LURAP1L: variants seen among roughly 807,000 people sequenced by gnomAD.
The protein encoded by LURAP1L is leucine rich adaptor protein 1-like.
Under a neutral mutation model 13.8 loss-of-function variants are expected in LURAP1L, and 12 were observed. The observed-to-expected ratio is 0.87, with a 90% CI of 0.56 to 1.41. The LOEUF (loss-of-function observed/expected upper bound fraction) is 1.41. LURAP1L is among the 40% of genes most tolerant of loss of function. The pLI is 0.00. For synonymous variants in LURAP1L, 139 were observed against 119.2 expected (o/e 1.17, Z -1.08); for missense variants, 375 against 292.9 (o/e 1.28, Z -2.04).
At chr9:12,789,782 T>C (rs1160787066) in intron 1 of LURAP1L, among the ~76,000 whole-genome samples, 1 of 152,130 alleles carries the variant, frequency 6.6e-6, no homozygotes, top group Non-Finnish European at 1.5e-5. Context: ...CTCAGATAGA[T>C]GTTCATATAG....
rs1422211601 is a variant in LURAP1L, at chr9:12,775,533, G to C, written c.-183G>C. The C allele has an allele frequency of 3.3e-6, 3 of 912,032 alleles. No homozygotes were observed. The highest frequency in any genetic ancestry group is 4.6e-6 in the Non-Finnish European group (3 of 650,722). The allele number at this position is 912,032 out of a possible 1,614,324, so 56.5% of individuals were successfully genotyped here. A position where few individuals can be genotyped will look rare whatever the true frequency, so the allele number is the denominator to read the frequency against. On this transcript the variant is annotated 5_prime_UTR_variant, in exon 1 of 2. Coordinates refer to ENST00000319264, the MANE Select transcript of LURAP1L (RefSeq NM_203403.2). ...GGGAACTGCAGCTGCGACCCCCCGC[G>C]TCCTGTGCGGATTTCAGGGCTGATA...
At chr9:12,807,410 C>G (rs1166854276) in intron 1 of LURAP1L, among the ~76,000 whole-genome samples, 1 of 152,130 alleles carries the variant, frequency 6.6e-6, no homozygotes, top group African/African-American at 2.4e-5. Context: ...AAGACCCTTT[C>G]CAGGCAACAC....
At chr9:12,811,224 A>T (rs1819731720) in intron 1 of LURAP1L, among the ~76,000 whole-genome samples, 1 of 152,204 alleles carries the variant, frequency 6.6e-6, no homozygotes, top group Non-Finnish European at 1.5e-5. Flanking sequence ...CAATATTGAA[A>T]ATTTAGTAGT....
chr9:12,775,863 G>GGCGGCGGCT lies in LURAP1L; in HGVS notation c.156_157insTGCGGCGGC (p.Gly52_Gly53insCysGlyGly), dbSNP rs752956210. The GGCGGCGGCT allele has an allele frequency of 3.5e-6, 5 of 1,418,676 alleles. No homozygotes were observed. The highest frequency in any genetic ancestry group is 4.6e-6 in the Non-Finnish European group (5 of 1,087,806). The allele number at this position is 1,418,676 out of a possible 1,614,324, so 87.9% of individuals were successfully genotyped here. On this transcript the variant is annotated inframe_insertion, in exon 1 of 2. Coordinates refer to ENST00000319264, the MANE Select transcript of LURAP1L (RefSeq NM_203403.2). ...CCCCTGCGGGGGGAGCGGTGGTGGT[G>GGCGGCGGCT]GCGGCGGCGGCGGCGGCTGCAGTAG...
rs1440082054 is a variant in LURAP1L, at chr9:12,815,340, T to C, written c.313-6046T>C. ...TGCTTTTAAACAGCTCTTCAGTTTA[T>C]ATAGACTTTTAAAAATATATTCTAA... is the stretch of plus-strand genomic sequence containing the variant. On this transcript the variant is annotated intron_variant, in intron 1 of 1. Coordinates refer to ENST00000319264, the MANE Select transcript of LURAP1L (RefSeq NM_203403.2). 2.0e-5 allele frequency among the ~76,000 whole-genome samples: 3 copies of C among 152,302 alleles called. No homozygotes were observed. In the East Asian group the frequency reaches 5.8e-4, roughly 29 times the overall value.
At chr9:12,778,020 GAC>G (rs950187099) in intron 1 of LURAP1L, among the ~76,000 whole-genome samples, 85 of 152,172 alleles carry the variant, frequency 5.6e-4, no homozygotes, top group African/African-American at 2.0e-3. Flanking sequence ...ACTTTTTTGA[GAC>G]ACAATTTCTG....
At chr9:12,776,957 CT>C (rs1819194665) in intron 1 of LURAP1L, among the ~76,000 whole-genome samples, 3 of 151,754 alleles carry the variant, frequency 2.0e-5, no homozygotes, top group Non-Finnish European at 2.9e-5. Context: ...TCCCTAAGTC[CT>C]TTGAAAAAAA....
At chr9:12,819,882 A>T (rs1428021257) in intron 1 of LURAP1L, among the ~76,000 whole-genome samples, 4 of 152,070 alleles carry the variant, frequency 2.6e-5, no homozygotes, top group African/African-American at 9.7e-5. Flanking sequence ...TGAACCCAGG[A>T]GGCGGAGGTT....
intron 1 of LURAP1L, among the ~76,000 whole-genome samples, chr9:12,807,525 C>T (rs1819676538): frequency 6.6e-6 from 1 of 152,138 alleles, no homozygotes; most frequent in Non-Finnish European, 1.5e-5. Context: ...TCCTCTGAGT[C>T]TCATTTTCCT....
intron 1 of LURAP1L, among the ~76,000 whole-genome samples, chr9:12,809,563 T>C (rs78631282): frequency 0.062 from 9,386 of 152,326 alleles, 419 homozygotes; most frequent in Middle Eastern, 0.16. Context: ...GGCGTATTAA[T>C]CATAGTTGTT....
intron 1 of LURAP1L, among the ~76,000 whole-genome samples, chr9:12,805,630 A>G (rs915498993): frequency 6.6e-6 from 1 of 152,206 alleles, no homozygotes; most frequent in African/African-American, 2.4e-5. Context: ...CTACCACTCA[A>G]CAAAGAATAT....
At chr9:12,797,548 A>G (rs1267529995) in intron 1 of LURAP1L, among the ~76,000 whole-genome samples, 3 of 152,128 alleles carry the variant, frequency 2.0e-5, no homozygotes, top group Non-Finnish European at 4.4e-5. Context: ...ATCTACCAGG[A>G]TTTTCATTAT....
chr9:12,813,384 A>G (rs949267738), intron 1 of LURAP1L, among the ~76,000 whole-genome samples: 5 of 152,160 alleles, frequency 3.3e-5, no homozygotes, highest in Non-Finnish European at 5.9e-5. Flanking sequence ...TAAAACATCT[A>G]TTTTATTCAC....
At chr9:12,802,167 T>C (rs1038151328) in intron 1 of LURAP1L, among the ~76,000 whole-genome samples, 3 of 152,190 alleles carry the variant, frequency 2.0e-5, no homozygotes, top group African/African-American at 7.2e-5. Flanking sequence ...TTGTTATTAG[T>C]ACATTTTACC....
At chr9:12,797,125 A>C (rs544419127) in intron 1 of LURAP1L, among the ~76,000 whole-genome samples, 1 of 152,180 alleles carries the variant, frequency 6.6e-6, no homozygotes, top group South Asian at 2.1e-4. Flanking sequence ...ACACATTATC[A>C]ACAACCAAAA....
intron 1 of LURAP1L, chr9:12,777,648 CAATTTAGAGTATTTAT>C: frequency 1.2e-6 from 1 of 852,756 alleles, no homozygotes; most frequent in Non-Finnish European, 1.4e-6. Context: ...CACTCAGACA[CAATTTAGAGTATTTAT>C]ATATAACTTG....
chr9:12,808,141 CTTCT>C (rs1819686200), intron 1 of LURAP1L, among the ~76,000 whole-genome samples: 1 of 134,120 alleles, frequency 7.5e-6, no homozygotes, highest in African/African-American at 2.5e-5. Flanking sequence ...AATATTTTAC[CTTCT>C]TTTTTTCTTT....
At chr9:12,783,717 T>G (rs941514415) in intron 1 of LURAP1L, among the ~76,000 whole-genome samples, 2 of 152,114 alleles carry the variant, frequency 1.3e-5, no homozygotes, top group South Asian at 2.1e-4. Context: ...ACTGGCCTAA[T>G]AGACTGAGTT....
intron 1 of LURAP1L, among the ~76,000 whole-genome samples, chr9:12,784,029 A>G (rs1819314484): frequency 6.6e-6 from 1 of 152,076 alleles, no homozygotes; most frequent in Admixed American, 6.6e-5. Context: ...CTTGATTTTT[A>G]AAAATTATTT....
Sources: allele counts gnomAD v4.1 joint callset (sites outside exome capture counted in the v4.1 genomes callset), GRCh38; gene constraint gnomAD v4.1.1; transcripts MANE v1.5; gene names NCBI Gene and HGNC (gene_info 2026-07-23, HGNC 2026-07-21).